GSS: variants seen among roughly 807,000 people sequenced by gnomAD.
GSS encodes the protein GSH synthetase.
In GSS, 34 loss-of-function variants were observed where a neutral mutation model predicts 60.4. That is an observed-to-expected ratio of 0.56 (90% confidence interval 0.43 to 0.75). The LOEUF is 0.75. GSS is among the 30% of genes least tolerant of loss of function. GSS has a pLI of 0.00. For missense variants in GSS, 499 were observed against 595.1 expected (o/e 0.84, Z 1.68); for synonymous variants, 224 against 239.0 (o/e 0.94, Z 0.58).
intron 2 of GSS, among the ~76,000 whole-genome samples, chr20:34,946,408 C>T (rs1238921721): frequency 6.6e-6 from 1 of 152,220 alleles, no homozygotes; most frequent in Non-Finnish European, 1.5e-5. Context: ...TACATAGATT[C>T]ATCATTCAGC....
At chr20:34,943,818 C>T (rs1174638946) in intron 3 of GSS, among the ~76,000 whole-genome samples, 1 of 152,172 alleles carries the variant, frequency 6.6e-6, no homozygotes, top group Non-Finnish European at 1.5e-5. Flanking sequence ...GCAGGCTCAT[C>T]GTCACAGCTC....
chr20:34,936,147 T>C (rs1458628286), intron 8 of GSS, among the ~76,000 whole-genome samples: 2 of 152,264 alleles, frequency 1.3e-5, no homozygotes, highest in Admixed American at 6.5e-5. Flanking sequence ...TTTGACCTAT[T>C]TGATATTGTC....
At chr20:34,929,185 A>C in intron 12 of GSS, 1 of 693,546 alleles carries the variant, frequency 1.4e-6, no homozygotes, top group South Asian at 1.7e-5. Flanking sequence ...AGGACTTCTC[A>C]TCAGGGCTTC....
At chr20:34,942,841 G>A in intron 4 of GSS, 90 bp downstream of exon 4, 1 of 1,010,288 alleles carries the variant, frequency 9.9e-7, no homozygotes. Flanking sequence ...CATGAGCTGA[G>A]GGCCTGGACC....
At chr20:34,941,861 G>T in intron 5 of GSS, 32 bp from the exon 6 acceptor site, 1 of 1,205,856 alleles carries the variant, frequency 8.3e-7, no homozygotes, top group South Asian at 1.2e-5. Flanking sequence ...TTCAGTAATT[G>T]GATGGACCTG....
At chr20:34,932,277 G>A (rs938170266) in intron 9 of GSS, 144 bp from the exon 10 acceptor site, 1 of 758,020 alleles carries the variant, frequency 1.3e-6, no homozygotes. Flanking sequence ...ATCCTTGTGA[G>A]CCAGGTGTGA....
intron 4 of GSS, 33 bp downstream of exon 4, chr20:34,942,898 G>A (rs2081495505): frequency 6.9e-7 from 1 of 1,441,496 alleles, no homozygotes; most frequent in Admixed American, 1.7e-5. Context: ...GGAGGGACAG[G>A]TTACAGACTG....
At position 34,942,581 on chromosome 20, in the gene GSS, C is replaced by G; in HGVS notation, c.398G>C (p.Ser133Thr). The G allele has an allele frequency of 1.2e-6, 2 of 1,614,066 alleles. No homozygotes were observed. The highest frequency in any genetic ancestry group is 1.7e-6 in the Non-Finnish European group (2 of 1,179,932). The part of the protein sequence containing the change: ...LNRSDYMFQR[S>T]ADGSPALKQI... ...TTTCAGGGCTGGGGAGCCATCTGCG[C>G]TGCGCTGGAACATGTAGTCTGAGCG... Residue 133 changes from serine to threonine, a missense_variant, in exon 5 of 13, where the codon AGC (serine) becomes ACC (threonine). Transcript: ENST00000651619.
In GSS at chr20:34,955,717, C is replaced by T. The variant is rs1458330566; in HGVS notation, c.-9+10G>A. The stretch of plus-strand genomic sequence containing the variant: ...GACCCATGCCGGCCGCCGTGGCCGC[C>T]CCAACCTACTAGTTCGCCTTTCCTC... On this transcript the variant is annotated intron_variant, in intron 1 of 12. Transcript: ENST00000651619. The T allele has an allele frequency of 6.6e-6, 1 of 152,246 alleles. No homozygotes were observed. Among genetic ancestry groups the T allele is most frequent in the East Asian group, 1.9e-4 (1 of 5,200 alleles). 9.4% of individuals were successfully genotyped at this position (152,246 alleles called of 1,614,324 possible). A position where few individuals can be genotyped will look rare whatever the true frequency, so the allele number is the denominator to read the frequency against.
At chr20:34,934,569 G>T (rs908926240) in intron 9 of GSS, among the ~76,000 whole-genome samples, 2 of 152,120 alleles carry the variant, frequency 1.3e-5, no homozygotes, top group African/African-American at 4.8e-5. Flanking sequence ...GAACCACCGT[G>T]CCCGGCCTAG....
At chr20:34,942,414 T>G in intron 5 of GSS, 74 bp downstream of exon 5, 6 of 1,408,718 alleles carry the variant, frequency 4.3e-6, no homozygotes, top group Non-Finnish European at 6.0e-6. Flanking sequence ...TGGAGTTCCC[T>G]GGCCTAGCCA....
At chr20:34,952,762 T>C (rs17310328) in intron 1 of GSS, 38,034 of 152,182 alleles carry the variant, frequency 0.25, 5,152 homozygotes, top group Non-Finnish European at 0.31. Flanking sequence ...CAAGTTTTCC[T>C]GGGATAGGAG....
intron 9 of GSS, among the ~76,000 whole-genome samples, chr20:34,934,457 A>T (rs1375647546): frequency 1.3e-5 from 2 of 151,808 alleles, no homozygotes; most frequent in Admixed American, 6.6e-5. Context: ...TTGTATTTTT[A>T]GTAGAGACGG....
chr20:34,928,759 C>A lies in GSS; in HGVS notation c.*69G>T, dbSNP rs200882573. Reference sequence around the variant, plus strand: ...AACTTTGGAGGTCTTTAGGAGGATACCCCTCAGGAGGGCTAGGAGAGGAAT... The same window carrying A: ...AACTTTGGAGGTCTTTAGGAGGATAACCCTCAGGAGGGCTAGGAGAGGAAT... On this transcript the variant is annotated 3_prime_UTR_variant, in exon 13 of 13. Coordinates refer to ENST00000651619, the MANE Select transcript of GSS (RefSeq NM_000178.4). The A allele has an allele frequency of 9.2e-4, 1,441 of 1,564,530 alleles. 3 individuals carry two copies. Among genetic ancestry groups the A allele is most frequent in the Middle Eastern group, 3.7e-3 (22 of 5,950 alleles).
intron 2 of GSS, among the ~76,000 whole-genome samples, chr20:34,951,004 T>C (rs2081564534): frequency 6.6e-6 from 1 of 152,196 alleles, no homozygotes; most frequent in African/African-American, 2.4e-5. Flanking sequence ...CTTTTACGTA[T>C]TGAACCTGGA....
At chr20:34,952,686 G>C (rs6088658) in intron 1 of GSS, 44,833 of 152,188 alleles carry the variant, frequency 0.29, 6,934 homozygotes, top group African/African-American at 0.34. Context: ...CACACGCCTC[G>C]ACCTCCCAAA....
In GSS at chr20:34,936,935, T is replaced by C. The variant is rs1459449314; in HGVS notation, c.689+8A>G. On this transcript the variant is annotated splice_region_variant and intron_variant, in intron 7 of 12. Coordinates refer to ENST00000651619, the MANE Select transcript of GSS (RefSeq NM_000178.4). Reference sequence around the variant, plus strand: ...GCCACACCTAGAAGTCCCCCTTCCTTTACTTACCTGGCCAGTAGCTCATTC... The same window carrying C: ...GCCACACCTAGAAGTCCCCCTTCCTCTACTTACCTGGCCAGTAGCTCATTC... The C allele has an allele frequency of 4.3e-6, 7 of 1,612,468 alleles. No individual in the cohort carries two copies. In the African/African-American group the frequency reaches 5.3e-5, roughly 12 times the overall value.
Position 34,939,446 on chromosome 20 carries a change from C to T in GSS, c.608+2267G>A, listed in dbSNP as rs574564221. On this transcript the variant is annotated intron_variant, in intron 6 of 12. Coordinates refer to ENST00000651619, the MANE Select transcript of GSS (RefSeq NM_000178.4). ...GATAATTGACGAAAATTAATCTGCT[C>T]TACCAATGCAGTTTTTCAGTCAATA... Among the ~76,000 whole-genome samples, 17 of 152,156 alleles carry T rather than the reference C, an allele frequency of 1.1e-4. No individual in the cohort carries two copies. In the East Asian group the frequency reaches 3.3e-3, roughly 29 times the overall value.
chr20:34,946,119 T>C (rs1266698832), intron 2 of GSS, 21 bp from the exon 3 acceptor site: 1 of 1,601,820 alleles, frequency 6.2e-7, no homozygotes, highest in South Asian at 1.1e-5. Context: ...GAAGAGAGAA[T>C]GGGACAGGGG....
Sources: gnomAD v4.1 joint callset for allele counts (sites outside exome capture counted in the v4.1 genomes callset) on GRCh38, gnomAD v4.1.1 for gene constraint, MANE v1.5 for transcripts, NCBI Gene and HGNC (gene_info 2026-07-23, HGNC 2026-07-21) for gene names.